NIPA1: variants seen among roughly 807,000 people sequenced by gnomAD.
NIPA1 encodes the protein magnesium transporter NIPA1.
NIPA1 carries 13 observed loss-of-function variants against 23.9 expected under a neutral mutation model. That is an observed-to-expected ratio of 0.54 (90% confidence interval 0.35 to 0.87). The LOEUF (loss-of-function observed/expected upper bound fraction) is 0.87, where lower values mean the gene tolerates loss of function less well. Among genes scored for constraint, NIPA1 ranks in the 40% least tolerant of loss-of-function variants. NIPA1 has a pLI of 0.01. For missense variants in NIPA1, 362 were observed against 429.7 expected (o/e 0.84, Z 1.39); for synonymous variants, 234 against 202.9 (o/e 1.15, Z -1.30).
intron 1 of NIPA1, among the ~76,000 whole-genome samples, chr15:22,790,723 C>G (rs575295196): frequency 1.3e-5 from 2 of 152,030 alleles, no homozygotes; most frequent in African/African-American, 2.4e-5. Context: ...CTTGATGAAG[C>G]TCTTGTAATG....
chr15:22,795,375 C>T lies in NIPA1; in HGVS notation c.178+8541C>T, dbSNP rs115271484. On this transcript the variant is annotated intron_variant, in intron 1 of 4. Transcript: ENST00000337435. ...CTGTGGTGGACTGGGCTCCGCTGGG[C>T]GACTCTCCAGCAGCTGCAAGCAGAT... Among the ~76,000 whole-genome samples the T allele has an allele frequency of 2.8e-3, 419 of 152,144 alleles. 1 individual carries two copies. Among genetic ancestry groups the T allele is most frequent in the African/African-American group, 9.2e-3 (383 of 41,512 alleles).
rs570967574 is a variant in NIPA1 at position 22,827,406 on chromosome 15, G to T, written c.*3167G>T. ...GCCATCTCTGTGGAGAAGGTGCTGG[G>T]GAGGGAAGTCCTTCCAGTGCCACAT... On this transcript the variant is annotated 3_prime_UTR_variant, in exon 5 of 5. Transcript: ENST00000337435. The T allele has an allele frequency of 6.6e-6, 1 of 152,200 alleles. No homozygotes were observed. Among genetic ancestry groups the T allele is most frequent in the East Asian group, 1.9e-4 (1 of 5,194 alleles). 9.4% of individuals were successfully genotyped at this position (152,200 alleles called of 1,614,324 possible). A position where few individuals can be genotyped will look rare whatever the true frequency, so the allele number is the denominator to read the frequency against.
At chr15:22,806,538 C>CGTAGGGGCAGCAA (rs1895216769) in intron 1 of NIPA1, among the ~76,000 whole-genome samples, 1 of 123,514 alleles carries the variant, frequency 8.1e-6, no homozygotes, top group Non-Finnish European at 1.5e-5. Flanking sequence ...TCCTTCAGTG[C>CGTAGGGGCAGCAA]TGCAGCTCCC....
At chr15:22,821,862 T>C (rs1895547098) in intron 4 of NIPA1, among the ~76,000 whole-genome samples, 1 of 152,220 alleles carries the variant, frequency 6.6e-6, no homozygotes, top group Admixed American at 6.5e-5. Context: ...ACAACCTCCT[T>C]ATACACACAA....
intron 1 of NIPA1, among the ~76,000 whole-genome samples, chr15:22,809,400 G>A (rs1328873760): frequency 6.6e-6 from 1 of 151,676 alleles, no homozygotes; most frequent in Non-Finnish European, 1.5e-5. Context: ...AAAAGGAAAA[G>A]GAAAAAAGAA....
rs2140880146 is a variant in NIPA1, at chr15:22,827,190, TGATA to T, written c.*2956_*2959del. The stretch of plus-strand genomic sequence containing the variant: ...TTGATCACAATATGCAGATTTCTCT[TGATA>T]GATACTTAAATAGGCTATTTCTCTC... On this transcript the variant is annotated 3_prime_UTR_variant, in exon 5 of 5. Transcript: ENST00000337435. The T allele has an allele frequency of 6.6e-6, 1 of 152,312 alleles. No individual in the cohort carries two copies. Among genetic ancestry groups the T allele is most frequent in the Non-Finnish European group, 1.5e-5 (1 of 68,020 alleles). 9.4% of individuals were successfully genotyped at this position (152,312 alleles called of 1,614,324 possible).
Position 22,824,286 on chromosome 15 carries a change from G to A in NIPA1, c.*47G>A, listed in dbSNP as rs747732895. 2 of 1,509,020 alleles carry A rather than the reference G, an allele frequency of 1.3e-6. No individual in the cohort carries two copies. Among genetic ancestry groups the A allele is most frequent in the East Asian group, 4.5e-5 (2 of 44,396 alleles). The allele number at this position is 1,509,020 out of a possible 1,614,324, so 93.5% of individuals were successfully genotyped here. On this transcript the variant is annotated 3_prime_UTR_variant, in exon 5 of 5. Transcript: ENST00000337435. This position sits in a 1 kb window ranked among gnomAD's most constrained non-coding sequence, Gnocchi z 4.1. ...GTTCGAGGAATAGGCATTGGAGGTGGTTTCTGGCCGTGATTGGATGTGAAG... is the reference window on the plus strand; with the variant it reads ...GTTCGAGGAATAGGCATTGGAGGTGATTTCTGGCCGTGATTGGATGTGAAG...
intron 1 of NIPA1, among the ~76,000 whole-genome samples, chr15:22,800,299 C>T (rs1895049224): frequency 6.6e-6 from 1 of 152,100 alleles, no homozygotes; most frequent in Non-Finnish European, 1.5e-5. Context: ...TGCATATTGC[C>T]ACGAGTCTTT....
intron 1 of NIPA1, among the ~76,000 whole-genome samples, chr15:22,788,032 C>T (rs754335476): frequency 6.6e-6 from 1 of 152,114 alleles, no homozygotes; most frequent in Admixed American, 6.6e-5. Context: ...CACACAGATA[C>T]ACACACACCG....
At chr15:22,811,583 GA>G (rs1895317792) in intron 2 of NIPA1, among the ~76,000 whole-genome samples, 1 of 152,140 alleles carries the variant, frequency 6.6e-6, no homozygotes, top group South Asian at 2.1e-4. Context: ...CAGCCTGGCT[GA>G]CAGAGTGAGA....
intron 1 of NIPA1, among the ~76,000 whole-genome samples, chr15:22,807,782 T>TGTGTGTGTGTGTGTGTG (rs1555372971): frequency 6.9e-6 from 1 of 145,932 alleles, no homozygotes; most frequent in African/African-American, 2.6e-5. Flanking sequence ...TTAAATTCAC[T>TGTGTGTGTGTGTGTGTG]TGTGTGTGTG....
intron 1 of NIPA1, among the ~76,000 whole-genome samples, chr15:22,800,454 ACCT>A (rs1895052274): frequency 6.6e-6 from 1 of 152,110 alleles, no homozygotes; most frequent in South Asian, 2.1e-4. Context: ...TGCAGTTAAG[ACCT>A]ACACGTTGGG....
At chr15:22,796,244 G>A (rs1227472827) in intron 1 of NIPA1, among the ~76,000 whole-genome samples, 1 of 151,826 alleles carries the variant, frequency 6.6e-6, no homozygotes, top group Non-Finnish European at 1.5e-5. Flanking sequence ...TTTCTAGGAG[G>A]GACTTAACTC....
intron 1 of NIPA1, among the ~76,000 whole-genome samples, chr15:22,801,279 C>T (rs1165026947): frequency 1.3e-5 from 2 of 152,060 alleles, no homozygotes; most frequent in African/African-American, 4.8e-5. Flanking sequence ...TGACAGAGCT[C>T]ATTATCCTAG....
chr15:22,812,658 A>C (rs976508017), intron 3 of NIPA1, among the ~76,000 whole-genome samples: 2 of 152,084 alleles, frequency 1.3e-5, no homozygotes, highest in Non-Finnish European at 2.9e-5. Flanking sequence ...GCCTTAAAAA[A>C]AAAAAAGAAG....
At chr15:22,817,135 C>T (rs566305814) in intron 3 of NIPA1, among the ~76,000 whole-genome samples, 10 of 138,776 alleles carry the variant, frequency 7.2e-5, no homozygotes, top group South Asian at 4.5e-4. Flanking sequence ...TACAGTGAGC[C>T]GAGATTGTGC....
At chr15:22,791,931 C>A (rs899514929) in intron 1 of NIPA1, among the ~76,000 whole-genome samples, 8 of 152,118 alleles carry the variant, frequency 5.3e-5, no homozygotes, top group Non-Finnish European at 8.8e-5. Flanking sequence ...ACAGCATAGG[C>A]TCGGATGGGG....
chr15:22,827,129 A>G lies in NIPA1; in HGVS notation c.*2890A>G, dbSNP rs1379165180. 6.6e-6 allele frequency: 1 copy of G among 152,138 alleles called. No individual in the cohort carries two copies. Among genetic ancestry groups the G allele is most frequent in the Non-Finnish European group, 1.5e-5 (1 of 68,020 alleles). The allele number at this position is 152,138 out of a possible 1,614,324, so 9.4% of individuals were successfully genotyped here. A position where few individuals can be genotyped will look rare whatever the true frequency, so the allele number is the denominator to read the frequency against. On this transcript the variant is annotated 3_prime_UTR_variant, in exon 5 of 5. Coordinates refer to ENST00000337435, the MANE Select transcript of NIPA1 (RefSeq NM_144599.5). ...CTTTGAAAAAAAAGATGCTTACTGT[A>G]TACTTGTTTTCAAGCATCCTCTAAA...
chr15:22,803,484 T>C (rs1051446537), intron 1 of NIPA1, among the ~76,000 whole-genome samples: 2 of 150,914 alleles, frequency 1.3e-5, no homozygotes, highest in African/African-American at 4.9e-5. Flanking sequence ...GGCTTGCCTT[T>C]TCATTTTCTT....
Sources: allele counts gnomAD v4.1 joint callset (sites outside exome capture counted in the v4.1 genomes callset), GRCh38; gene constraint gnomAD v4.1.1; non-coding constraint Gnocchi (gnomAD v3.1); transcripts MANE v1.5; gene names NCBI Gene and HGNC (gene_info 2026-07-23, HGNC 2026-07-21).